ZNF407: variants seen among roughly 807,000 people sequenced by gnomAD.
ZNF407 encodes the protein zinc finger protein 407.
A neutral mutation model predicts 131.2 loss-of-function variants in ZNF407; 17 were observed. The observed-to-expected ratio is 0.13, with a 90% CI of 0.09 to 0.19. ZNF407 has a LOEUF of 0.19. Among genes scored for constraint, ZNF407 ranks in the 10% least tolerant of loss-of-function variants. The probability of loss-of-function intolerance (pLI) is 1.00; values close to 1 mark genes in which losing one functional copy is unlikely to be tolerated. For synonymous variants in ZNF407, 1,156 were observed against 1,062.0 expected, an observed-to-expected ratio of 1.09 and a Z score of -1.72; for missense variants, 2,681 against 2,830.6, an observed-to-expected ratio of 0.95 and a Z score of 1.20.
intron 3 of ZNF407, among the ~76,000 whole-genome samples, chr18:74,723,047 A>G: frequency 6.6e-6 from 1 of 151,980 alleles, no homozygotes; most frequent in East Asian, 1.9e-4. Flanking sequence ...GATGATTTTT[A>G]TTGATGTCTT....
At chr18:74,692,123 G>C (rs1422405717) in intron 3 of ZNF407, among the ~76,000 whole-genome samples, 1 of 149,930 alleles carries the variant, frequency 6.7e-6, no homozygotes, top group Non-Finnish European at 1.5e-5. Flanking sequence ...GCGTGTGTGG[G>C]TGTGTGTGTG....
chr18:74,971,903 C>G (rs557392113), intron 8 of ZNF407, among the ~76,000 whole-genome samples: 1 of 152,276 alleles, frequency 6.6e-6, no homozygotes, highest in African/African-American at 2.4e-5. Context: ...ACTTGCAGTT[C>G]CACATGGCTG....
chr18:74,803,672 C>T (rs1029808706), intron 4 of ZNF407, among the ~76,000 whole-genome samples: 6 of 152,102 alleles, frequency 3.9e-5, no homozygotes, highest in African/African-American at 1.4e-4. Context: ...GTCAGTCTTA[C>T]CAGAAAACAT....
chr18:74,693,144 G>GC (rs1568169554), intron 3 of ZNF407, among the ~76,000 whole-genome samples: 1 of 152,120 alleles, frequency 6.6e-6, no homozygotes, highest in Non-Finnish European at 1.5e-5. Flanking sequence ...ACTTTCCTCC[G>GC]CCCAAGCTGA....
chr18:74,980,329 C>T (rs1178965365), intron 8 of ZNF407, among the ~76,000 whole-genome samples: 2 of 149,442 alleles, frequency 1.3e-5, no homozygotes, highest in African/African-American at 4.9e-5. Flanking sequence ...TTTTTTGAGA[C>T]GGAGTTTCGC....
chr18:74,906,713 A>G (rs545067773), intron 7 of ZNF407, among the ~76,000 whole-genome samples: 6 of 152,180 alleles, frequency 3.9e-5, no homozygotes, highest in East Asian at 1.9e-4. Context: ...TTTTATCTGT[A>G]TATGTATGTG....
intron 3 of ZNF407, among the ~76,000 whole-genome samples, chr18:74,722,667 G>A (rs1316864489): frequency 2.0e-5 from 3 of 152,126 alleles, no homozygotes; most frequent in Non-Finnish European, 4.4e-5. Flanking sequence ...AACATCCCAG[G>A]CAGGCACCCC....
At chr18:74,970,328 G>A (rs553721240) in intron 8 of ZNF407, among the ~76,000 whole-genome samples, 3 of 152,122 alleles carry the variant, frequency 2.0e-5, no homozygotes, top group East Asian at 3.9e-4. Flanking sequence ...CAATGGTCCC[G>A]AAAGTCTTAT....
intron 3 of ZNF407, among the ~76,000 whole-genome samples, chr18:74,763,228 T>C (rs532419280): frequency 3.2e-4 from 29 of 91,106 alleles, no homozygotes; most frequent in African/African-American, 1.0e-3. Flanking sequence ...TTTTTTGCCA[T>C]GTGTATTTCT....
chr18:74,747,407 C>A (rs1042140543), intron 3 of ZNF407, among the ~76,000 whole-genome samples: 9 of 151,716 alleles, frequency 5.9e-5, no homozygotes, highest in Admixed American at 5.9e-4. Flanking sequence ...AAAATTATTT[C>A]CTCATAATGA....
rs1970657122 is a variant in ZNF407, at chr18:74,843,149, A to T, written c.4878-34048A>T. Among the ~76,000 whole-genome samples, 2 of 152,152 alleles carry T rather than the reference A, an allele frequency of 1.3e-5. 1 individual carries two copies. Among genetic ancestry groups the T allele is most frequent in the South Asian group, 4.1e-4 (2 of 4,822 alleles). On this transcript the variant is annotated intron_variant, in intron 4 of 8. Transcript: ENST00000299687. The stretch of plus-strand genomic sequence containing the variant: ...TTAACCAAAAATACTTTGACGAATG[A>T]GTATATTGGGCATATGTGTTTTATA...
chr18:74,976,535 C>G (rs996243724), intron 8 of ZNF407, among the ~76,000 whole-genome samples: 6 of 152,282 alleles, frequency 3.9e-5, no homozygotes, highest in Middle Eastern at 6.8e-3. Flanking sequence ...GGCACAAAGA[C>G]CGAGAGCTTT....
chr18:74,803,232 G>A (rs957856688), intron 4 of ZNF407, among the ~76,000 whole-genome samples: 3 of 152,194 alleles, frequency 2.0e-5, no homozygotes, highest in East Asian at 1.9e-4. Context: ...GTTTGCTCCC[G>A]TGCTCTTGGG....
chr18:75,050,199 C>T (rs1009243002), intron 8 of ZNF407, among the ~76,000 whole-genome samples: 4 of 151,780 alleles, frequency 2.6e-5, no homozygotes, highest in African/African-American at 9.7e-5. Flanking sequence ...TTATTATTAC[C>T]ATATAATATA....
At chr18:74,934,596 G>A (rs888728761) in intron 8 of ZNF407, among the ~76,000 whole-genome samples, 3 of 152,204 alleles carry the variant, frequency 2.0e-5, no homozygotes, top group African/African-American at 7.2e-5. Flanking sequence ...ATCACCTGAT[G>A]TCAGGAGTTC....
chr18:75,035,747 G>A (rs757612377), intron 8 of ZNF407, among the ~76,000 whole-genome samples: 1 of 152,294 alleles, frequency 6.6e-6, no homozygotes, highest in African/African-American at 2.4e-5. Flanking sequence ...ATTACCAATG[G>A]GCATTGCGTC....
At chr18:74,809,429 C>G (rs1400933644) in intron 4 of ZNF407, among the ~76,000 whole-genome samples, 2 of 152,186 alleles carry the variant, frequency 1.3e-5, no homozygotes, top group Non-Finnish European at 2.9e-5. Flanking sequence ...TAGGAAAGTG[C>G]ATAGTGAAAT....
intron 8 of ZNF407, among the ~76,000 whole-genome samples, chr18:74,936,184 A>G (rs1441983563): frequency 2.0e-5 from 3 of 152,204 alleles, no homozygotes; most frequent in Non-Finnish European, 4.4e-5. Flanking sequence ...TCTTTTTTAC[A>G]TTGAAAAGGA....
intron 8 of ZNF407, among the ~76,000 whole-genome samples, chr18:74,992,678 G>GT (rs1468888612): frequency 6.6e-6 from 1 of 152,216 alleles, no homozygotes; most frequent in Non-Finnish European, 1.5e-5. Context: ...GACAGTTGGA[G>GT]TTTGTTTATT....
Sources: gnomAD v4.1 joint callset for allele counts (sites outside exome capture counted in the v4.1 genomes callset) on GRCh38, gnomAD v4.1.1 for gene constraint, MANE v1.5 for transcripts, NCBI Gene and HGNC (gene_info 2026-07-23, HGNC 2026-07-21) for gene names.